Variants in BTAF1 observed in about 807,000 individuals in gnomAD.
BTAF1 encodes the protein B-TFIID TATA-box binding protein associated factor 1.
BTAF1 carries 38 observed loss-of-function variants against 227.1 expected under a neutral mutation model. The observed-to-expected ratio is 0.17, with a 90% confidence interval of 0.13 to 0.22. The LOEUF is 0.22. Among genes scored for constraint, BTAF1 ranks in the 10% least tolerant of loss-of-function variants. The pLI, the probability that BTAF1 is intolerant of heterozygous loss-of-function variation, is 1.00. For missense variants in BTAF1, 1,598 were observed against 2,204.0 expected, an observed-to-expected ratio of 0.73 and a Z score of 5.51; for synonymous variants, 742 against 751.9, an observed-to-expected ratio of 0.99 and a Z score of 0.21.
At chr10:91,967,030 C>G (rs1846965306) in intron 14 of BTAF1, among the ~76,000 whole-genome samples, 1 of 152,194 alleles carries the variant, frequency 6.6e-6, no homozygotes, top group Non-Finnish European at 1.5e-5. Flanking sequence ...TGAATAGTCT[C>G]TTCCTGTCAG....
chr10:92,027,511 T>A (rs184572621), intron 37 of BTAF1, among the ~76,000 whole-genome samples: 24 of 152,232 alleles, frequency 1.6e-4, no homozygotes, highest in African/African-American at 5.8e-4. Context: ...CTTCAGTGTC[T>A]TGCCACAAGG....
At chr10:91,964,890 T>C (rs577514228) in intron 13 of BTAF1, among the ~76,000 whole-genome samples, 1 of 152,140 alleles carries the variant, frequency 6.6e-6, no homozygotes, top group Non-Finnish European at 1.5e-5. Flanking sequence ...GAAAAAATTA[T>C]TATGCAACTT....
intron 1 of BTAF1, among the ~76,000 whole-genome samples, chr10:91,925,380 T>C (rs1843754336): frequency 6.6e-6 from 1 of 152,200 alleles, no homozygotes; most frequent in Non-Finnish European, 1.5e-5. Context: ...ATAACATTTA[T>C]CAGGTAATAG....
At chr10:91,969,505 A>G (rs1847146030) in intron 14 of BTAF1, among the ~76,000 whole-genome samples, 1 of 152,150 alleles carries the variant, frequency 6.6e-6, no homozygotes, top group Non-Finnish European at 1.5e-5. Context: ...ATTGAGATAC[A>G]TGAGTCACTG....
At position 92,019,158 on chromosome 10, in the gene BTAF1, A is replaced by T. The variant is rs74149353; in HGVS notation, c.4863+223A>T. Among the ~76,000 whole-genome samples, 74 of 152,204 alleles carry T rather than the reference A, an allele frequency of 4.9e-4. 2 individuals are homozygous for T. The highest frequency in any genetic ancestry group is 5.9e-5 in the Non-Finnish European group (4 of 68,042). Reference sequence around the variant, plus strand: ...GTAAATCTGAGGCATTATATTTACAATGTTGTACAACCATCAGCATTATCT... The same window carrying T: ...GTAAATCTGAGGCATTATATTTACATTGTTGTACAACCATCAGCATTATCT... On this transcript the variant is annotated intron_variant, in intron 34 of 37. Transcript: ENST00000265990.
chr10:91,932,357 T>C (rs1278449419), intron 1 of BTAF1, among the ~76,000 whole-genome samples: 2 of 152,192 alleles, frequency 1.3e-5, no homozygotes, highest in African/African-American at 4.8e-5. Flanking sequence ...ACTGATTTTT[T>C]ATGTAAAACT....
intron 14 of BTAF1, 107 bp downstream of exon 14, chr10:91,966,864 G>A: frequency 2.0e-6 from 2 of 1,022,060 alleles, no homozygotes; most frequent in African/African-American, 1.6e-5. Context: ...TCAGGACAAT[G>A]TTGGGCCTAG....
At chr10:91,927,591 G>A (rs1221158821) in intron 1 of BTAF1, among the ~76,000 whole-genome samples, 1 of 152,116 alleles carries the variant, frequency 6.6e-6, no homozygotes, top group African/African-American at 2.4e-5. Context: ...TGCTCAGAAT[G>A]CCTGGCTCCT....
At chr10:91,999,672 C>T (rs750691713) in intron 25 of BTAF1, among the ~76,000 whole-genome samples, 4 of 152,162 alleles carry the variant, frequency 2.6e-5, no homozygotes, top group African/African-American at 7.2e-5. Flanking sequence ...GGATTACAGA[C>T]GTGAGCCACC....
At chr10:91,924,130 A>T in intron 1 of BTAF1, 40 bp downstream of exon 1, 1 of 1,601,604 alleles carries the variant, frequency 6.2e-7, no homozygotes, top group Non-Finnish European at 8.5e-7. Context: ...AAGGCGATTC[A>T]GGGAAGGCAT....
At chr10:91,931,884 CAAA>C (rs1186433072) in intron 1 of BTAF1, among the ~76,000 whole-genome samples, 3 of 152,132 alleles carry the variant, frequency 2.0e-5, no homozygotes, top group Non-Finnish European at 4.4e-5. Flanking sequence ...TCAAGAGAAT[CAAA>C]GAAGCATTCT....
chr10:91,980,350 A>G, intron 14 of BTAF1, 104 bp from the exon 15 acceptor site: 1 of 801,938 alleles, frequency 1.2e-6, no homozygotes, highest in Non-Finnish European at 2.0e-6. Flanking sequence ...GAAACCATGC[A>G]GTCTTTTCAT....
At chr10:91,947,943 TGG>T in intron 4 of BTAF1, among the ~76,000 whole-genome samples, 1 of 152,290 alleles carries the variant, frequency 6.6e-6, no homozygotes, top group Non-Finnish European at 1.5e-5. Flanking sequence ...ATTTCATATT[TGG>T]GCTTTTGTTT....
rs560278245 is a variant in BTAF1, at chr10:91,980,435, A to G, written c.1651-19A>G. The stretch of plus-strand genomic sequence containing the variant: ...CAAGAATTATATGCTACAGCTTTTA[A>G]TTCTGTTTTTGTTTTCAGAACTCTT... On this transcript the variant is annotated intron_variant, in intron 14 of 37. Transcript: ENST00000265990. 14 of 1,554,734 alleles carry G rather than the reference A, an allele frequency of 9.0e-6. No homozygotes were observed. The African/African-American group carries it at 1.5e-4, about 17-fold the overall frequency.
chr10:91,930,395 G>C (rs1174271082), intron 1 of BTAF1, among the ~76,000 whole-genome samples: 1 of 152,114 alleles, frequency 6.6e-6, no homozygotes, highest in Non-Finnish European at 1.5e-5. Flanking sequence ...AGGTGCTAGA[G>C]GTATAGCAGA....
intron 14 of BTAF1, 82 bp downstream of exon 14, chr10:91,966,839 C>CTG: frequency 7.5e-7 from 1 of 1,335,284 alleles, no homozygotes; most frequent in Non-Finnish European, 1.0e-6. Context: ...CTTACCCTTG[C>CTG]TGTATATCCA....
chr10:91,961,477 G>A (rs556688270), intron 11 of BTAF1, among the ~76,000 whole-genome samples: 1 of 146,288 alleles, frequency 6.8e-6, no homozygotes, highest in East Asian at 2.0e-4. Context: ...TTCTTTAACT[G>A]CCAATAACAA....
chr10:91,994,943 T>C (rs904336306), intron 23 of BTAF1, among the ~76,000 whole-genome samples: 5 of 152,170 alleles, frequency 3.3e-5, no homozygotes, highest in Admixed American at 6.5e-5. Flanking sequence ...TGCAGCCCTG[T>C]TCATCCAGAT....
Position 91,951,524 on chromosome 10 carries a change from G to T in BTAF1, c.522G>T (p.Leu174Phe). The T allele has an allele frequency of 1.9e-6, 3 of 1,608,144 alleles. No individual in the cohort carries two copies. The highest frequency in any genetic ancestry group is 2.5e-6 in the Non-Finnish European group (3 of 1,178,102). Residue 174 changes from leucine (L) to phenylalanine (F), a missense_variant, in exon 5 of 38, where the codon TTG (leucine) becomes TTT (phenylalanine). Physicochemically the swap from Leu to Phe is conservative, Grantham distance 22. Coordinates refer to ENST00000265990, the MANE Select transcript of BTAF1 (RefSeq NM_003972.3). Reference protein sequence around the residue: ...STEELFNDEDLDYTPTSASFV... With the variant: ...STEELFNDEDFDYTPTSASFV... The stretch of plus-strand genomic sequence containing the variant: ...AAGAACTTTTCAATGATGAGGATTT[G>T]GATTATACCCCAACTTCAGCATCCT...
Sources: gnomAD v4.1 joint callset for allele counts (sites outside exome capture counted in the v4.1 genomes callset) on GRCh38, gnomAD v4.1.1 for gene constraint, MANE v1.5 for transcripts, NCBI Gene and HGNC (gene_info 2026-07-23, HGNC 2026-07-21) for gene names.